The following DNAH9 variants were observed in gnomAD, a reference collection of about 807,000 sequenced individuals.
The protein encoded by DNAH9 is dynein axonemal heavy chain 9.
Under a neutral mutation model 471.6 loss-of-function variants are expected in DNAH9, and 345 were observed. That is an observed-to-expected ratio of 0.73 (90% CI 0.67 to 0.80). The LOEUF (loss-of-function observed/expected upper bound fraction) is 0.80, where lower values mean the gene tolerates loss of function less well. Among genes scored for constraint, DNAH9 ranks in the 30% least tolerant of loss-of-function variants. The pLI, the probability that DNAH9 is intolerant of heterozygous loss-of-function variation, is 0.00. For synonymous variants in DNAH9, 2,093 were observed against 2,123.6 expected (o/e 0.99, Z 0.40); for missense variants, 5,407 against 5,609.2 (o/e 0.96, Z 1.15).
At chr17:11,872,762 T>C (rs1317980435) in intron 52 of DNAH9, among the ~76,000 whole-genome samples, 1 of 151,758 alleles carries the variant, frequency 6.6e-6, no homozygotes, top group Non-Finnish European at 1.5e-5. Flanking sequence ...CTACTAAAAA[T>C]ACAAAAAATT....
chr17:11,656,281 T>C (rs907076338), intron 14 of DNAH9, among the ~76,000 whole-genome samples: 5 of 152,206 alleles, frequency 3.3e-5, no homozygotes, highest in Non-Finnish European at 7.3e-5. Flanking sequence ...TGGTATTGCA[T>C]TGTGGTTTTG....
Position 11,834,664 on chromosome 17 carries a change from T to C in DNAH9, c.9273T>C (p.Ala3091=), listed in dbSNP as rs1354665011. The C allele has an allele frequency of 6.2e-7, 1 of 1,614,006 alleles. No individual in the cohort carries two copies. The highest frequency in any genetic ancestry group is 1.7e-5 in the Admixed American group (1 of 59,988). Residue 3091 remains alanine (A), a synonymous_variant, in exon 49 of 69, where the codon GCT becomes GCC. Transcript: ENST00000262442. ...AQVDDLKAKL[A]AQEVELKQKN... ...TGGATGATCTGAAAGCAAAGCTGGC[T>C]GCCCAGGAAGTAGAGCTGAAGCAGA... is the stretch of plus-strand genomic sequence containing the variant.
intron 67 of DNAH9, among the ~76,000 whole-genome samples, chr17:11,948,223 TC>T (rs1346370393): frequency 6.3e-4 from 88 of 138,810 alleles, no homozygotes; most frequent in Non-Finnish European, 1.1e-3. Flanking sequence ...CTAATCTGGC[TC>T]TTTTTTTTTT....
chr17:11,736,062 T>C (rs1166789387), intron 28 of DNAH9, among the ~76,000 whole-genome samples: 1 of 152,196 alleles, frequency 6.6e-6, no homozygotes, highest in East Asian at 1.9e-4. Context: ...AAAAATAGCA[T>C]CGAATTTCTA....
intron 17 of DNAH9, among the ~76,000 whole-genome samples, chr17:11,675,681 G>T (rs1363459819): frequency 6.6e-6 from 1 of 152,072 alleles, no homozygotes; most frequent in Non-Finnish European, 1.5e-5. Flanking sequence ...TTTTATCTAT[G>T]TCCATTAAGA....
chr17:11,692,022 T>C (rs2074341304), intron 20 of DNAH9, among the ~76,000 whole-genome samples: 1 of 151,754 alleles, frequency 6.6e-6, no homozygotes, highest in South Asian at 2.1e-4. Flanking sequence ...CAGGCTGGTC[T>C]CGAACTCCTG....
chr17:11,778,306 G>A (rs1365139886), intron 38 of DNAH9, among the ~76,000 whole-genome samples: 1 of 126,394 alleles, frequency 7.9e-6, no homozygotes, highest in African/African-American at 3.1e-5. Flanking sequence ...TTCCAGCCTG[G>A]GCGACAGAGT....
In DNAH9 at chr17:11,891,963, A is replaced by C. The variant is rs1409369461; in HGVS notation, c.11283+16A>C. 1.2e-6 allele frequency: 2 copies of C among 1,609,270 alleles called. No individual in the cohort carries two copies. Among genetic ancestry groups the C allele is most frequent in the South Asian group, 2.2e-5 (2 of 90,590 alleles). On this transcript the variant is annotated intron_variant, in intron 58 of 68. Transcript: ENST00000262442. ...CACCTTTCAGGTAAAAGTGGATTGA[A>C]GAAGTTTCCAGAAAACAGGTTATTT...
chr17:11,911,773 G>A (rs1361052713), intron 61 of DNAH9, among the ~76,000 whole-genome samples: 2 of 152,030 alleles, frequency 1.3e-5, no homozygotes, highest in Non-Finnish European at 2.9e-5. Flanking sequence ...ATGTTTTGTT[G>A]TTTTTAGTGT....
intron 11 of DNAH9, among the ~76,000 whole-genome samples, 153 bp from the exon 12 acceptor site, chr17:11,646,919 G>A (rs1024619738): frequency 6.7e-6 from 1 of 150,276 alleles, no homozygotes; most frequent in Non-Finnish European, 1.5e-5. Context: ...GTCTCAAAAA[G>A]AAAGAAAGAA....
At chr17:11,664,471 AG>A (rs1384724084) in intron 14 of DNAH9, among the ~76,000 whole-genome samples, 5 of 152,202 alleles carry the variant, frequency 3.3e-5, no homozygotes, top group African/African-American at 9.6e-5. Context: ...ATCTACCCTT[AG>A]AATTCCTTCC....
chr17:11,951,320 C>A (rs1204180363), intron 67 of DNAH9, among the ~76,000 whole-genome samples: 3 of 152,064 alleles, frequency 2.0e-5, no homozygotes, highest in Admixed American at 6.6e-5. Flanking sequence ...TCTTCTTAAC[C>A]ACAGGTTGGC....
At chr17:11,798,260 A>G (rs745788813) in intron 43 of DNAH9, among the ~76,000 whole-genome samples, 10 of 151,688 alleles carry the variant, frequency 6.6e-5, no homozygotes, top group South Asian at 2.1e-4. Context: ...GTGAAACCCC[A>G]TCTCTACTAA....
At chr17:11,940,464 AG>A (rs371610832) in intron 66 of DNAH9, among the ~76,000 whole-genome samples, 48 of 152,264 alleles carry the variant, frequency 3.2e-4, no homozygotes, top group Admixed American at 5.9e-4. Flanking sequence ...TCTGCTCCAG[AG>A]AAAAATATAT....
intron 26 of DNAH9, among the ~76,000 whole-genome samples, chr17:11,708,055 A>AGC (rs1567737218): frequency 3.4e-5 from 5 of 145,640 alleles, no homozygotes; most frequent in East Asian, 2.0e-4. Context: ...AGAGAGAGAG[A>AGC]GCAGGTAACC....
rs1276118479 is a variant in DNAH9, at chr17:11,727,850, G to A, written c.5742G>A (p.Gln1914=). 1.9e-6 allele frequency: 3 copies of A among 1,614,016 alleles called. No homozygotes were observed. Among genetic ancestry groups the A allele is most frequent in the Admixed American group, 3.3e-5 (2 of 60,012 alleles). ...SCGNIYKGLA[Q]TGAWGCFDEF... The stretch of plus-strand genomic sequence containing the variant: ...GCAACATCTACAAAGGCCTTGCTCA[G>A]ACTGGTGCCTGGGGCTGCTTTGATG... The change falls in exon 28 of 69, where the codon CAG becomes CAA. Residue 1914 remains glutamine (Q), a synonymous_variant. Transcript: ENST00000262442.
In DNAH9 at chr17:11,929,732, G is replaced by A. The variant is rs965598099; in HGVS notation, c.11878-134G>A. ...TTTCAGATGGTAAATTTTCTGTTACGTCTTACCACAATTTTTAAAAATTAT... is the reference window on the plus strand; with the variant it reads ...TTTCAGATGGTAAATTTTCTGTTACATCTTACCACAATTTTTAAAAATTAT... On this transcript the variant is annotated intron_variant, in intron 62 of 68. Transcript: ENST00000262442. 23 of 713,566 alleles carry A rather than the reference G, an allele frequency of 3.2e-5. 2 individuals are homozygous for A. The highest frequency in any genetic ancestry group is 1.4e-4 in the South Asian group (7 of 51,736). The allele number at this position is 713,566 out of a possible 1,614,324, so 44.2% of individuals were successfully genotyped here.
intron 45 of DNAH9, among the ~76,000 whole-genome samples, chr17:11,821,072 G>A (rs1033746786): frequency 5.3e-5 from 8 of 151,924 alleles, no homozygotes; most frequent in African/African-American, 1.5e-4. Flanking sequence ...ACCTGAGGTC[G>A]GGAGTTCGAG....
At chr17:11,601,548 T>C (rs987836386) in intron 1 of DNAH9, among the ~76,000 whole-genome samples, 3 of 152,216 alleles carry the variant, frequency 2.0e-5, no homozygotes, top group African/African-American at 7.2e-5. Context: ...AAATAACTTA[T>C]TTTAAAAATA....
Sources: allele counts gnomAD v4.1 joint callset (sites outside exome capture counted in the v4.1 genomes callset), GRCh38; gene constraint gnomAD v4.1.1; transcripts MANE v1.5; gene names NCBI Gene and HGNC (gene_info 2026-07-23, HGNC 2026-07-21).